CEACAM5: variants seen among roughly 807,000 people sequenced by gnomAD.
CEACAM5 encodes the protein cell adhesion molecule CEACAM5.
Under a neutral mutation model 63.0 loss-of-function variants are expected in CEACAM5, and 52 were observed. That is an observed-to-expected ratio of 0.83 (90% CI 0.66 to 1.04). The LOEUF (loss-of-function observed/expected upper bound fraction) is 1.04. Ranked by LOEUF, CEACAM5 falls within the 50% of genes least tolerant of loss-of-function variation. CEACAM5 has a pLI of 0.00. For missense variants in CEACAM5, 790 were observed against 864.8 expected (o/e 0.91, Z 1.08); for synonymous variants, 357 against 351.3 (o/e 1.02, Z -0.18).
At chr19:41,719,740 C>A (rs1461709815) in intron 6 of CEACAM5, among the ~76,000 whole-genome samples, 190 bp from the exon 7 acceptor site, 1 of 152,328 alleles carries the variant, frequency 6.6e-6, no homozygotes, top group African/African-American at 2.4e-5. Context: ...TTCCCCCACA[C>A]AAAGCAGCCG....
At position 41,715,103 on chromosome 19, in the gene CEACAM5, C is replaced by T. The variant is rs113097830; in HGVS notation, c.557C>T (p.Pro186Leu). The stretch of plus-strand genomic sequence containing the variant: ...TGGTGGGTAAACAATCAGAGCCTCC[C>T]GGTCAGTCCCAGGCTGCAGCTGTCC... ...YLWWVNNQSL[P>L]VSPRLQLSNG... Residue 186 changes from proline to leucine, a missense_variant, in exon 3 of 10, where the codon CCG becomes CTG. Transcript: ENST00000221992. The T allele has an allele frequency of 3.5e-5, 57 of 1,614,052 alleles. No individual in the cohort carries two copies. The highest frequency in any genetic ancestry group is 1.2e-4 in the Admixed American group (7 of 60,000).
At position 41,720,151 on chromosome 19, in the gene CEACAM5, GGA is replaced by G; in HGVS notation, c.1715_1716del (p.Gly572AspfsTer11). 2 of 1,614,236 alleles carry G rather than the reference GGA, an allele frequency of 1.2e-6. No individual in the cohort carries two copies. The highest frequency in any genetic ancestry group is 1.7e-6 in the Non-Finnish European group (2 of 1,180,040). On this transcript the variant is annotated frameshift_variant, in exon 7 of 10. Transcript: ENST00000221992. LOFTEE classifies it high-confidence loss of function. ...TRNDARAYVCGIQNSVSANRS... is the reference protein window; with the variant it reads ...TRNDARAYVCXIQNSVSANRS... ...AAATGACGCAAGAGCCTATGTATGT[GGA>G]ATCCAGAACTCAGTGAGTGCAAACC...
chr19:41,713,818 C>G (rs1352425844), intron 2 of CEACAM5, among the ~76,000 whole-genome samples: 5 of 152,228 alleles, frequency 3.3e-5, no homozygotes, highest in Admixed American at 6.5e-5. Flanking sequence ...TCATGCTCCC[C>G]CTTTTCCACC....
At chr19:41,725,229 G>C (rs893404501) in intron 8 of CEACAM5, among the ~76,000 whole-genome samples, 1 of 151,748 alleles carries the variant, frequency 6.6e-6, no homozygotes, top group Non-Finnish European at 1.5e-5. Context: ...ATTTTTTTGT[G>C]TTTCCAGGAA....
intron 4 of CEACAM5, 88 bp downstream of exon 4, chr19:41,715,992 C>G: frequency 6.7e-7 from 1 of 1,495,372 alleles, no homozygotes; most frequent in African/African-American, 1.4e-5. Context: ...ATTTTCTATC[C>G]CAGCCTGTGT....
rs1568701746 is a variant in CEACAM5, at chr19:41,713,679, GCCC to G, written c.425-1291_425-1289del. On this transcript the variant is annotated intron_variant, in intron 2 of 9. Coordinates refer to ENST00000221992, the MANE Select transcript of CEACAM5 (RefSeq NM_004363.6). ...ATATAAGTGGAATCCTACAGTATCTGCCCTGTGAGTGGCTTATTTCATTTAGCA... is the reference window on the plus strand; with the variant it reads ...ATATAAGTGGAATCCTACAGTATCTGTGTGAGTGGCTTATTTCATTTAGCA... 2.6e-5 allele frequency among the ~76,000 whole-genome samples: 4 copies of G among 152,182 alleles called. No homozygotes were observed. In the East Asian group the frequency reaches 7.7e-4, roughly 29 times the overall value.
intron 2 of CEACAM5, 59 bp downstream of exon 2, chr19:41,710,098 G>C: frequency 6.4e-7 from 1 of 1,570,218 alleles, no homozygotes; most frequent in Non-Finnish European, 8.6e-7. Context: ...CCCACACACA[G>C]GATTATCAGG....
At chr19:41,719,018 G>A (rs143736796) in intron 6 of CEACAM5, among the ~76,000 whole-genome samples, 1 of 152,226 alleles carries the variant, frequency 6.6e-6, no homozygotes, top group African/African-American at 2.4e-5. Context: ...AGGGAAATAA[G>A]AAGAGAGGGA....
chr19:41,709,306 C>T (rs1230192831), intron 1 of CEACAM5, among the ~76,000 whole-genome samples: 1 of 152,080 alleles, frequency 6.6e-6, no homozygotes, highest in African/African-American at 2.4e-5. Flanking sequence ...CAGGTGTTGA[C>T]AAGAGCCCTG....
chr19:41,715,594 G>C, intron 3 of CEACAM5, 56 bp from the exon 4 acceptor site: 2 of 1,605,126 alleles, frequency 1.2e-6, no homozygotes, highest in Non-Finnish European at 1.7e-6. Flanking sequence ...CCATAGACCA[G>C]GAACTTCCAC....
At chr19:41,716,443 G>C (rs1331428348) in intron 4 of CEACAM5, among the ~76,000 whole-genome samples, 11 of 152,256 alleles carry the variant, frequency 7.2e-5, no homozygotes, top group African/African-American at 2.7e-4. Context: ...GAGGTGTGTG[G>C]AGAAGGAGCC....
At position 41,730,307 on chromosome 19, in the gene CEACAM5, A is replaced by C. The variant is rs2072753446; in HGVS notation, c.*1160A>C. 6.6e-6 allele frequency among the ~76,000 whole-genome samples: 1 copy of C among 152,140 alleles called. No individual in the cohort carries two copies. Among genetic ancestry groups the C allele is most frequent in the Non-Finnish European group, 1.5e-5 (1 of 67,996 alleles). On this transcript the variant is annotated 3_prime_UTR_variant, in exon 10 of 10. Transcript: ENST00000221992. ...CGTGGTGGTGGGGGCCTGTAGTCCC[A>C]GCTACTCAGGAGGCTGAGGCAGGAG...
Position 41,717,486 on chromosome 19 carries a change from C to T in CEACAM5, c.990C>T (p.Asn330=). The change falls in exon 5 of 10, where the codon AAC becomes AAT. Residue 330 remains asparagine (N), a synonymous_variant. Coordinates refer to ENST00000221992, the MANE Select transcript of CEACAM5 (RefSeq NM_004363.6). ...CACCCAAACCCTTCATCACCAGCAA[C>T]AACTCCAACCCCGTGGAGGATGAGG... ...AEPPKPFITS[N]NSNPVEDEDA... 1 of 1,614,130 alleles carries T rather than the reference C, an allele frequency of 6.2e-7. No homozygotes were observed. The highest frequency in any genetic ancestry group is 1.3e-5 in the African/African-American group (1 of 75,046).
At chr19:41,711,131 G>T (rs2072429213) in intron 2 of CEACAM5, among the ~76,000 whole-genome samples, 1 of 152,148 alleles carries the variant, frequency 6.6e-6, no homozygotes, top group African/African-American at 2.4e-5. Context: ...GGCATCCACA[G>T]CTCAGAAGCG....
intron 2 of CEACAM5, among the ~76,000 whole-genome samples, chr19:41,712,058 G>C (rs955369120): frequency 1.3e-5 from 2 of 152,182 alleles, no homozygotes; most frequent in African/African-American, 2.4e-5. Context: ...GCAGCAGGAC[G>C]GGAATGAGCG....
chr19:41,724,380 C>A (rs2072669290), intron 8 of CEACAM5, among the ~76,000 whole-genome samples: 1 of 152,196 alleles, frequency 6.6e-6, no homozygotes, highest in African/African-American at 2.4e-5. Flanking sequence ...GGCTTTATAG[C>A]AAATGCTGAA....
chr19:41,715,321 G>A, intron 3 of CEACAM5, 72 bp downstream of exon 3: 1 of 1,594,258 alleles, frequency 6.3e-7, no homozygotes, highest in South Asian at 1.1e-5. Flanking sequence ...GGATTTCTCA[G>A]TCCCTCTCAG....
chr19:41,717,914 G>T (rs2072553609), intron 5 of CEACAM5, among the ~76,000 whole-genome samples, 181 bp downstream of exon 5: 1 of 152,182 alleles, frequency 6.6e-6, no homozygotes, highest in African/African-American at 2.4e-5. Context: ...GGAGGGGAGG[G>T]TCTGCTCCTG....
chr19:41,727,302 G>A lies in CEACAM5; in HGVS notation c.2095G>A (p.Val699Ile), dbSNP rs202005812. Residue 699 changes from valine (V) to isoleucine (I), a missense_variant, in exon 9 of 10, where the codon GTT becomes ATT. Physicochemically the swap from Val to Ile is conservative, Grantham distance 29. Coordinates refer to ENST00000221992, the MANE Select transcript of CEACAM5 (RefSeq NM_004363.6). ...CATCATGATTGGAGTGCTGGTTGGG[G>A]TTGCTCTGATATAGCAGCCCTGGTG... The part of the protein sequence containing the change: ...VGIMIGVLVG[V>I]ALI 9 of 1,613,564 alleles carry A rather than the reference G, an allele frequency of 5.6e-6. No homozygotes were observed. The South Asian group carries it at 6.6e-5, about 12-fold the overall frequency.
Sources: gnomAD v4.1 joint callset for allele counts (sites outside exome capture counted in the v4.1 genomes callset) on GRCh38, gnomAD v4.1.1 for gene constraint, MANE v1.5 for transcripts, NCBI Gene and HGNC (gene_info 2026-07-23, HGNC 2026-07-21) for gene names.